FAM107B: variants seen among roughly 807,000 people sequenced by gnomAD.
FAM107B encodes protein FAM107B.
Under a neutral mutation model 31.5 loss-of-function variants are expected in FAM107B, and 21 were observed. That is an observed-to-expected ratio of 0.67 (90% CI 0.47 to 0.96). FAM107B has a LOEUF of 0.96. Ranked by LOEUF, FAM107B falls within the 40% of genes least tolerant of loss-of-function variation. The probability of loss-of-function intolerance (pLI) is 0.00; values close to 1 mark genes in which losing one functional copy is unlikely to be tolerated. For missense variants in FAM107B, 452 were observed against 377.1 expected (o/e 1.20, Z -1.64); for synonymous variants, 157 against 141.5 (o/e 1.11, Z -0.78).
At chr10:14,562,030 C>T (rs1407871038) in intron 2 of FAM107B, among the ~76,000 whole-genome samples, 1 of 152,220 alleles carries the variant, frequency 6.6e-6, no homozygotes, top group Non-Finnish European at 1.5e-5. Flanking sequence ...AACCGATCCA[C>T]CCGCCTTGGC....
chr10:14,760,743 T>C lies in FAM107B; in HGVS notation c.411+13510A>G, dbSNP rs377390713. 2.2e-3 allele frequency among the ~76,000 whole-genome samples: 333 copies of C among 152,180 alleles called. 4 individuals are homozygous for C. The South Asian group carries it at 0.03, about 14-fold the overall frequency. Reference sequence around the variant, plus strand: ...TGCACTTAATGGGTTACTGTCTAAATTGGAGAGCAAAGCCAAAGACATATA... The same window carrying C: ...TGCACTTAATGGGTTACTGTCTAAACTGGAGAGCAAAGCCAAAGACATATA... On this transcript the variant is annotated intron_variant, in intron 1 of 4. Coordinates refer to ENST00000181796, the MANE Select transcript of FAM107B (RefSeq NM_031453.4).
chr10:14,655,265 C>T (rs915808091), intron 2 of FAM107B, among the ~76,000 whole-genome samples: 2 of 152,214 alleles, frequency 1.3e-5, no homozygotes, highest in African/African-American at 4.8e-5. Context: ...CCACCTCCAA[C>T]ACTGGGGATC....
intron 2 of FAM107B, among the ~76,000 whole-genome samples, chr10:14,658,003 G>A (rs1208968573): frequency 6.6e-6 from 1 of 151,870 alleles, no homozygotes; most frequent in Non-Finnish European, 1.5e-5. Context: ...TGTAGGTTGG[G>A]GTTTTGTCAT....
intron 2 of FAM107B, among the ~76,000 whole-genome samples, chr10:14,574,506 G>A (rs574398059): frequency 6.6e-6 from 1 of 152,280 alleles, no homozygotes; most frequent in South Asian, 2.1e-4. Context: ...CCAAGTGTCA[G>A]AACAAAGCCC....
intron 2 of FAM107B, among the ~76,000 whole-genome samples, chr10:14,570,598 T>C (rs1851132545): frequency 1.3e-5 from 2 of 151,980 alleles, no homozygotes. Flanking sequence ...GGTCAGGAGT[T>C]CAAGACCAGC....
intron 2 of FAM107B, 29 bp downstream of exon 2, chr10:14,667,605 G>T (rs1190234037): frequency 4.3e-6 from 7 of 1,612,026 alleles, no homozygotes; most frequent in Non-Finnish European, 5.9e-6. Context: ...CAGCAGCCTG[G>T]AAAAGGAATC....
At chr10:14,571,429 T>C (rs1421353185) in intron 2 of FAM107B, among the ~76,000 whole-genome samples, 1 of 152,110 alleles carries the variant, frequency 6.6e-6, no homozygotes, top group Non-Finnish European at 1.5e-5. Context: ...AGAGCATGGA[T>C]AAAATAATGC....
chr10:14,627,590 A>G (rs1295065479), intron 2 of FAM107B, among the ~76,000 whole-genome samples: 1 of 152,216 alleles, frequency 6.6e-6, no homozygotes, highest in Non-Finnish European at 1.5e-5. Context: ...CCTGGACAAC[A>G]TTAACGACAC....
chr10:14,595,940 A>T (rs1852175035), intron 2 of FAM107B, among the ~76,000 whole-genome samples: 1 of 152,180 alleles, frequency 6.6e-6, no homozygotes, highest in Non-Finnish European at 1.5e-5. Flanking sequence ...CCACAGGGAC[A>T]CACTGACAAA....
intron 2 of FAM107B, among the ~76,000 whole-genome samples, chr10:14,569,937 G>A (rs1851051759): frequency 6.6e-6 from 1 of 152,164 alleles, no homozygotes; most frequent in Non-Finnish European, 1.5e-5. Context: ...CCGGAAACCA[G>A]AAACTAGGGC....
rs866376504 is a variant in FAM107B, at chr10:14,604,366, C to A, written c.469+63268G>T. On this transcript the variant is annotated intron_variant, in intron 2 of 4. Transcript: ENST00000181796. ...CGAGGGCGGCTCCGGGGGCGGCGGC[C>A]CGGCCCGCAAGCCAGTCCGGCGCAG... 1,688 of 520,180 alleles carry A rather than the reference C, an allele frequency of 3.2e-3. 23 individuals carry two copies. The African/African-American group carries it at 0.033, about 10-fold the overall frequency. The allele number at this position is 520,180 out of a possible 1,614,324, so 32.2% of individuals were successfully genotyped here. A position where few individuals can be genotyped will look rare whatever the true frequency, so the allele number is the denominator to read the frequency against.
At chr10:14,720,014 C>T (rs1247261276) in intron 1 of FAM107B, among the ~76,000 whole-genome samples, 2 of 145,138 alleles carry the variant, frequency 1.4e-5, no homozygotes, top group East Asian at 3.9e-4. Flanking sequence ...GGAATGCCTT[C>T]CCCTAGAAGG....
intron 2 of FAM107B, among the ~76,000 whole-genome samples, chr10:14,638,435 C>G (rs1853555459): frequency 6.6e-6 from 1 of 152,160 alleles, no homozygotes; most frequent in Non-Finnish European, 1.5e-5. Flanking sequence ...TCCAGAAAAT[C>G]CACCTACTCC....
intron 2 of FAM107B, among the ~76,000 whole-genome samples, chr10:14,540,840 G>A (rs1848116030): frequency 6.6e-6 from 1 of 152,128 alleles, no homozygotes; most frequent in Non-Finnish European, 1.5e-5. Flanking sequence ...AGGCCTCTGA[G>A]GTGCCAGACA....
At chr10:14,603,884 G>T (rs1050692230) in intron 2 of FAM107B, among the ~76,000 whole-genome samples, 1 of 151,276 alleles carries the variant, frequency 6.6e-6, no homozygotes, top group African/African-American at 2.4e-5. Context: ...GGCATACGGC[G>T]CACACGGCCA....
intron 2 of FAM107B, among the ~76,000 whole-genome samples, chr10:14,608,509 A>G (rs1029127732): frequency 1.3e-5 from 2 of 152,194 alleles, no homozygotes; most frequent in South Asian, 2.1e-4. Context: ...TTTGCAGTCA[A>G]CTGGGAGGTT....
chr10:14,704,146 A>G (rs1233392990), intron 1 of FAM107B, among the ~76,000 whole-genome samples: 5 of 152,198 alleles, frequency 3.3e-5, no homozygotes, highest in Admixed American at 6.5e-5. Context: ...CTACCTGTAC[A>G]TCACTGAAGA....
intron 1 of FAM107B, among the ~76,000 whole-genome samples, chr10:14,748,008 C>G (rs1755856568): frequency 6.6e-6 from 1 of 152,340 alleles, no homozygotes; most frequent in Non-Finnish European, 1.5e-5. Context: ...CACACTCACC[C>G]TCCTTTGCCC....
intron 2 of FAM107B, among the ~76,000 whole-genome samples, chr10:14,628,438 C>A (rs547763922): frequency 1.3e-5 from 2 of 152,080 alleles, no homozygotes; most frequent in Non-Finnish European, 2.9e-5. Flanking sequence ...TCTTTCCTAC[C>A]CAGATGGGTC....
Sources: allele counts gnomAD v4.1 joint callset (sites outside exome capture counted in the v4.1 genomes callset), GRCh38; gene constraint gnomAD v4.1.1; transcripts MANE v1.5; gene names NCBI Gene and HGNC (gene_info 2026-07-23, HGNC 2026-07-21).